Variants in CDH13 observed in about 807,000 individuals in gnomAD.
CDH13 encodes cadherin 13.
A neutral mutation model predicts 63.8 loss-of-function variants in CDH13; 24 were observed. That is an observed-to-expected ratio of 0.38 (90% CI 0.27 to 0.53). CDH13 has a LOEUF of 0.53. Ranked by LOEUF, CDH13 falls within the 20% of genes least tolerant of loss-of-function variation. The pLI is 0.85. For synonymous variants in CDH13, 503 were observed against 355.3 expected, an observed-to-expected ratio of 1.42 and a Z score of -4.67; for missense variants, 1,049 against 903.1, an observed-to-expected ratio of 1.16 and a Z score of -2.07.
At chr16:83,252,793 G>A (rs958349132) in intron 5 of CDH13, among the ~76,000 whole-genome samples, 4 of 151,954 alleles carry the variant, frequency 2.6e-5, no homozygotes, top group African/African-American at 9.7e-5. Context: ...AGCACAGCCT[G>A]CCCCCCACCC....
Position 83,032,225 on chromosome 16 carries a change from C to A in CDH13, c.366+7C>A, listed in dbSNP as rs533111528. The A allele has an allele frequency of 5.8e-5, 94 of 1,610,176 alleles. 1 individual carries two copies. In the South Asian group the frequency reaches 9.9e-4, roughly 17 times the overall value. On this transcript the variant is annotated splice_region_variant and intron_variant, in intron 3 of 13. Coordinates refer to ENST00000567109, the MANE Select transcript of CDH13 (RefSeq NM_001257.5). ...CATCCAGGGCTCCTTGCAGGTAACA[C>A]ATCTGTTTGAGATAACTTGGGTTCA... is the stretch of plus-strand genomic sequence containing the variant.
At chr16:83,708,832 C>T (rs1907556325) in intron 10 of CDH13, among the ~76,000 whole-genome samples, 1 of 152,044 alleles carries the variant, frequency 6.6e-6, no homozygotes, top group African/African-American at 2.4e-5. Context: ...CAAGACCAGA[C>T]TGGCCAATGT....
chr16:83,118,121 C>G (rs4128843), intron 3 of CDH13, among the ~76,000 whole-genome samples: 54,828 of 151,992 alleles, frequency 0.36, 10,560 homozygotes, highest in East Asian at 0.62. Context: ...ATGACCTAGG[C>G]TAAAGATGCT....
chr16:82,741,076 C>A (rs1244375366), intron 1 of CDH13, among the ~76,000 whole-genome samples: 1 of 152,180 alleles, frequency 6.6e-6, no homozygotes, highest in Non-Finnish European at 1.5e-5. Context: ...ACTCTCCCCA[C>A]ACCCCCAAAC....
chr16:83,214,571 C>T (rs368293178), intron 4 of CDH13, among the ~76,000 whole-genome samples: 2 of 67,324 alleles, frequency 3.0e-5, no homozygotes, highest in African/African-American at 1.2e-4. Flanking sequence ...CAGAGTGAGA[C>T]TCTGTCTCAA....
At chr16:82,855,954 C>A (rs62035199) in intron 1 of CDH13, among the ~76,000 whole-genome samples, 23,624 of 152,168 alleles carry the variant, frequency 0.16, 1,953 homozygotes, top group South Asian at 0.21. Flanking sequence ...AATGAATTTT[C>A]TTCAACTGTC....
intron 7 of CDH13, among the ~76,000 whole-genome samples, chr16:83,517,454 C>T (rs1598204306): frequency 6.6e-6 from 1 of 152,320 alleles, no homozygotes; most frequent in East Asian, 1.9e-4. Flanking sequence ...GACAGAGGCT[C>T]TGCCAGCTTG....
At chr16:82,775,989 C>T (rs1488794994) in intron 1 of CDH13, among the ~76,000 whole-genome samples, 1 of 152,144 alleles carries the variant, frequency 6.6e-6, no homozygotes, top group Non-Finnish European at 1.5e-5. Flanking sequence ...GCCAGCAGAT[C>T]ACTTGAGGCC....
intron 7 of CDH13, among the ~76,000 whole-genome samples, chr16:83,512,989 C>A (rs993545832): frequency 2.7e-5 from 4 of 150,884 alleles, no homozygotes; most frequent in African/African-American, 9.8e-5. Context: ...TCAGCTAAAT[C>A]CAGGAAGTAT....
At chr16:82,685,971 G>A (rs1311785839) in intron 1 of CDH13, among the ~76,000 whole-genome samples, 1 of 152,220 alleles carries the variant, frequency 6.6e-6, no homozygotes, top group Non-Finnish European at 1.5e-5. Flanking sequence ...AATAGGCACA[G>A]AGAGCTGATA....
chr16:83,342,087 A>C (rs945105390), intron 5 of CDH13, among the ~76,000 whole-genome samples: 1 of 151,674 alleles, frequency 6.6e-6, no homozygotes, highest in Non-Finnish European at 1.5e-5. Flanking sequence ...GTGTTGTCTA[A>C]TATGGTAACT....
chr16:82,977,865 A>T (rs1909738524), intron 2 of CDH13, among the ~76,000 whole-genome samples: 1 of 152,202 alleles, frequency 6.6e-6, no homozygotes, highest in Admixed American at 6.5e-5. Context: ...GAGACCTGGA[A>T]GGCTCAGAAG....
At chr16:83,547,629 A>G (rs542482586) in intron 7 of CDH13, among the ~76,000 whole-genome samples, 1 of 152,296 alleles carries the variant, frequency 6.6e-6, no homozygotes, top group East Asian at 1.9e-4. Flanking sequence ...AAAGGACATG[A>G]TCTTTCTTTT....
At chr16:83,241,847 T>G in intron 5 of CDH13, among the ~76,000 whole-genome samples, 1 of 152,244 alleles carries the variant, frequency 6.6e-6, no homozygotes, top group African/African-American at 2.4e-5. Flanking sequence ...TGATGTAGTT[T>G]CATTTGCCTA....
chr16:83,787,210 A>G (rs1319802542), intron 13 of CDH13, among the ~76,000 whole-genome samples: 1 of 152,102 alleles, frequency 6.6e-6, no homozygotes, highest in African/African-American at 2.4e-5. Context: ...AGGTCCATCC[A>G]CGTTGCTCTA....
chr16:83,212,993 A>T (rs932230106), intron 4 of CDH13, among the ~76,000 whole-genome samples: 13 of 152,192 alleles, frequency 8.5e-5, no homozygotes, highest in African/African-American at 3.1e-4. Context: ...TGGGAACACC[A>T]TTCTTGGCTG....
chr16:83,643,767 C>G (rs1473257610), intron 8 of CDH13, among the ~76,000 whole-genome samples: 4 of 152,130 alleles, frequency 2.6e-5, no homozygotes, highest in South Asian at 2.1e-4. Flanking sequence ...ATGAATGAGA[C>G]AGGTAGTACT....
At chr16:82,725,152 A>T (rs889966795) in intron 1 of CDH13, among the ~76,000 whole-genome samples, 1 of 152,088 alleles carries the variant, frequency 6.6e-6, no homozygotes. Context: ...GGTGATGATG[A>T]CAGTTGTGCT....
intron 1 of CDH13, among the ~76,000 whole-genome samples, chr16:82,756,832 C>T (rs2034629220): frequency 6.6e-6 from 1 of 152,156 alleles, no homozygotes; most frequent in Non-Finnish European, 1.5e-5. Context: ...CAGACTGTCA[C>T]CAATGCATGA....
Sources: gnomAD v4.1 joint callset for allele counts (sites outside exome capture counted in the v4.1 genomes callset) on GRCh38, gnomAD v4.1.1 for gene constraint, MANE v1.5 for transcripts, NCBI Gene and HGNC (gene_info 2026-07-23, HGNC 2026-07-21) for gene names.